Variants in MAGI2 observed in about 807,000 individuals in gnomAD.
MAGI2 encodes membrane associated guanylate kinase, WW and PDZ domain containing 2.
MAGI2 carries 35 observed loss-of-function variants against 133.3 expected under a neutral mutation model. The observed-to-expected ratio is 0.26, with a 90% CI of 0.20 to 0.35. The LOEUF is 0.35. Ranked by LOEUF, MAGI2 falls within the 10% of genes least tolerant of loss-of-function variation. MAGI2 has a pLI of 1.00. For synonymous variants in MAGI2, 729 were observed against 710.6 expected (o/e 1.03, Z -0.41); for missense variants, 1,636 against 1,863.4 (o/e 0.88, Z 2.25).
intron 2 of MAGI2, among the ~76,000 whole-genome samples, chr7:78,825,336 C>A (rs1452778164): frequency 6.6e-6 from 1 of 152,040 alleles, no homozygotes; most frequent in Non-Finnish European, 1.5e-5. Context: ...GTTTTAGCTC[C>A]CAAATTACAA....
intron 1 of MAGI2, among the ~76,000 whole-genome samples, chr7:79,391,670 G>T (rs972032534): frequency 1.3e-5 from 2 of 150,932 alleles, no homozygotes; most frequent in African/African-American, 4.9e-5. Flanking sequence ...CGTCATGTAG[G>T]TGTTTTTTGT....
chr7:78,065,534 C>T, intron 21 of MAGI2: 1 of 650,754 alleles, frequency 1.5e-6, no homozygotes, highest in Non-Finnish European at 2.7e-6. Flanking sequence ...AAAACCAAGG[C>T]TCATTAGAGA....
intron 16 of MAGI2, among the ~76,000 whole-genome samples, chr7:78,140,824 T>C (rs181396356): frequency 2.0e-5 from 3 of 152,328 alleles, no homozygotes; most frequent in Admixed American, 6.5e-5. Flanking sequence ...GGGAAGGCAA[T>C]AATAAAGCCA....
intron 1 of MAGI2, among the ~76,000 whole-genome samples, chr7:79,428,737 T>C (rs1048579319): frequency 2.0e-5 from 3 of 152,148 alleles, no homozygotes; most frequent in African/African-American, 7.2e-5. Flanking sequence ...TATAAATACA[T>C]CTATATTGCC....
Position 78,018,883 on chromosome 7 carries a change from AG to A in MAGI2, c.*431del, listed in dbSNP as rs974803427. 1 of 360,518 alleles carries A rather than the reference AG, an allele frequency of 2.8e-6. No homozygotes were observed. Among genetic ancestry groups the A allele is most frequent in the African/African-American group, 2.1e-5 (1 of 47,546 alleles). The allele number at this position is 360,518 out of a possible 1,614,324, so 22.3% of individuals were successfully genotyped here. ...AAAGATATAATCTTGTCTCAGTTTC[AG>A]CTTGCTCCGTGCAGTTTGATTTTTA... On this transcript the variant is annotated 3_prime_UTR_variant, in exon 22 of 22. Transcript: ENST00000354212.
intron 1 of MAGI2, among the ~76,000 whole-genome samples, chr7:79,423,224 T>TAAA (rs3051394): frequency 0.56 from 84,207 of 151,430 alleles, 26,502 homozygotes; most frequent in African/African-American, 0.86. Context: ...ACATCATCAA[T>TAAA]AAAAACTATA....
At position 78,971,876 on chromosome 7, in the gene MAGI2, A is replaced by T. The variant is rs117934077; in HGVS notation, c.418+35214T>A. 3.6e-4 allele frequency among the ~76,000 whole-genome samples: 54 copies of T among 152,110 alleles called. No homozygotes were observed. The East Asian group carries it at 0.01, about 29-fold the overall frequency. ...TTCTGATTATAAATAGAAAATTTCT[A>T]CTTTAGTATGGCTATGCTTTATGTA... On this transcript the variant is annotated intron_variant, in intron 2 of 21. Coordinates refer to ENST00000354212, the MANE Select transcript of MAGI2 (RefSeq NM_012301.4).
chr7:78,740,030 G>A (rs532010888), intron 2 of MAGI2, among the ~76,000 whole-genome samples: 4 of 151,972 alleles, frequency 2.6e-5, no homozygotes, highest in Non-Finnish European at 4.4e-5. Flanking sequence ...GCGTGGTGGC[G>A]GGCGCCTGTA....
chr7:79,414,050 A>G (rs1007462415), intron 1 of MAGI2: 51 of 152,262 alleles, frequency 3.3e-4, no homozygotes, highest in African/African-American at 1.0e-3. Context: ...ACATCAGAGG[A>G]GAGAATGGCT....
At chr7:79,406,718 T>C (rs565245389) in intron 1 of MAGI2, among the ~76,000 whole-genome samples, 1 of 152,274 alleles carries the variant, frequency 6.6e-6, no homozygotes, top group South Asian at 2.1e-4. Flanking sequence ...CTTCCCTTGT[T>C]CAACAAATAT....
intron 3 of MAGI2, among the ~76,000 whole-genome samples, chr7:78,579,928 C>A (rs1164948330): frequency 6.6e-6 from 1 of 152,180 alleles, no homozygotes; most frequent in African/African-American, 2.4e-5. Context: ...CGACCAACTG[C>A]TCGTCTATTG....
At chr7:78,950,312 C>G (rs1264670081) in intron 2 of MAGI2, among the ~76,000 whole-genome samples, 1 of 152,138 alleles carries the variant, frequency 6.6e-6, no homozygotes, top group East Asian at 1.9e-4. Context: ...CTGAGTGTAG[C>G]TCTTAGATAT....
In MAGI2 at chr7:79,178,331, A is replaced by G. The variant is rs144280711; in HGVS notation, c.302-171125T>C. Among the ~76,000 whole-genome samples the G allele has an allele frequency of 2.1e-3, 318 of 152,136 alleles. 6 individuals carry two copies. The highest frequency in any genetic ancestry group is 7.3e-3 in the African/African-American group (303 of 41,450). Reference sequence around the variant, plus strand: ...TACAGTCTGTGAAAAAGTTAGCTATAACAGAATAAAAAGCCACATAGTTAT... The same window carrying G: ...TACAGTCTGTGAAAAAGTTAGCTATGACAGAATAAAAAGCCACATAGTTAT... On this transcript the variant is annotated intron_variant, in intron 1 of 21. Coordinates refer to ENST00000354212, the MANE Select transcript of MAGI2 (RefSeq NM_012301.4).
chr7:78,305,499 T>G (rs1018539737), intron 9 of MAGI2, among the ~76,000 whole-genome samples: 13 of 152,178 alleles, frequency 8.5e-5, no homozygotes, highest in African/African-American at 3.1e-4. Flanking sequence ...AGGCAATGAG[T>G]TGCTTTAAGA....
chr7:79,103,011 C>T lies in MAGI2; in HGVS notation c.302-95805G>A, dbSNP rs924698505. On this transcript the variant is annotated intron_variant, in intron 1 of 21. Transcript: ENST00000354212. Reference sequence around the variant, plus strand: ...CAGTTTCAGTCCACGCCTGAGAGGCCCAGTCTGCCCTTCTTGTCCTGCCAC... The same window carrying T: ...CAGTTTCAGTCCACGCCTGAGAGGCTCAGTCTGCCCTTCTTGTCCTGCCAC... Among the ~76,000 whole-genome samples the T allele has an allele frequency of 5.9e-5, 9 of 152,124 alleles. No individual in the cohort carries two copies. In the East Asian group the frequency reaches 1.4e-3, roughly 23 times the overall value.
intron 6 of MAGI2, among the ~76,000 whole-genome samples, chr7:78,477,529 A>G (rs1791900325): frequency 6.6e-6 from 1 of 151,954 alleles, no homozygotes; most frequent in African/African-American, 2.4e-5. Flanking sequence ...AGGCCTCACA[A>G]TCATGGCAGA....
intron 2 of MAGI2, among the ~76,000 whole-genome samples, chr7:78,647,851 A>G (rs185417135): frequency 6.6e-6 from 1 of 152,192 alleles, no homozygotes; most frequent in Admixed American, 6.5e-5. Context: ...TTGCAGGGAC[A>G]TGGATGAGGC....
At chr7:79,191,789 A>G (rs1345881546) in intron 1 of MAGI2, among the ~76,000 whole-genome samples, 1 of 151,438 alleles carries the variant, frequency 6.6e-6, no homozygotes, top group Non-Finnish European at 1.5e-5. Context: ...CCCCTTTTCT[A>G]GTATCTATGC....
chr7:78,857,077 G>A (rs1430253159), intron 2 of MAGI2, among the ~76,000 whole-genome samples: 1 of 152,182 alleles, frequency 6.6e-6, no homozygotes, highest in Non-Finnish European at 1.5e-5. Flanking sequence ...GTAAAGGAAT[G>A]CTTGTGATTT....
Sources: gnomAD v4.1 joint callset for allele counts (sites outside exome capture counted in the v4.1 genomes callset) on GRCh38, gnomAD v4.1.1 for gene constraint, MANE v1.5 for transcripts, NCBI Gene and HGNC (gene_info 2026-07-23, HGNC 2026-07-21) for gene names.